The following CNTNAP2 variants were observed in gnomAD, a reference collection of about 807,000 sequenced individuals.
CNTNAP2 encodes contactin-associated protein-like 2.
In CNTNAP2, 98 loss-of-function variants were observed where a neutral mutation model predicts 155.2. The ratio of observed to expected loss-of-function variants is 0.63; its 90% CI spans 0.54 to 0.75. The LOEUF is 0.75. Ranked by LOEUF, CNTNAP2 falls within the 30% of genes least tolerant of loss-of-function variation. The pLI, the probability that CNTNAP2 is intolerant of heterozygous loss-of-function variation, is 0.00. For synonymous variants in CNTNAP2, 651 were observed against 631.2 expected (o/e 1.03, Z -0.47); for missense variants, 1,727 against 1,688.1 (o/e 1.02, Z -0.40).
At chr7:148,414,113 CT>C (rs1287853404) in intron 23 of CNTNAP2, among the ~76,000 whole-genome samples, 4 of 76,234 alleles carry the variant, frequency 5.2e-5, no homozygotes, top group Admixed American at 3.3e-4. Flanking sequence ...CCCCCCCCCC[CT>C]CACACAAGCT....
intron 12 of CNTNAP2, among the ~76,000 whole-genome samples, chr7:147,634,384 T>G (rs1402929690): frequency 1.3e-5 from 2 of 152,170 alleles, no homozygotes; most frequent in Non-Finnish European, 2.9e-5. Flanking sequence ...TTCTCACTTG[T>G]AAGTGGGAGC....
intron 1 of CNTNAP2, among the ~76,000 whole-genome samples, chr7:146,531,630 C>T (rs1297347579): frequency 6.6e-6 from 1 of 152,112 alleles, no homozygotes; most frequent in East Asian, 1.9e-4. Context: ...ACTGCAACCT[C>T]CGCCTCCCAG....
chr7:148,347,324 A>G (rs953176272), intron 21 of CNTNAP2, among the ~76,000 whole-genome samples: 6 of 152,192 alleles, frequency 3.9e-5, no homozygotes, highest in Non-Finnish European at 8.8e-5. Context: ...CTGCCCAGTA[A>G]TGCTTTCAGG....
intron 11 of CNTNAP2, among the ~76,000 whole-genome samples, chr7:147,538,314 G>T (rs1469881375): frequency 6.6e-6 from 1 of 152,110 alleles, no homozygotes; most frequent in Non-Finnish European, 1.5e-5. Flanking sequence ...GTCTCCTAGA[G>T]TGATAGTAGC....
intron 13 of CNTNAP2, among the ~76,000 whole-genome samples, chr7:147,665,358 C>T (rs140351052): frequency 0.017 from 2,616 of 152,162 alleles, 225 homozygotes; most frequent in Admixed American, 0.15. Context: ...CCTATTTTAC[C>T]GTAGATGGAT....
chr7:148,239,574 C>T (rs936201920), intron 20 of CNTNAP2, among the ~76,000 whole-genome samples: 18 of 152,294 alleles, frequency 1.2e-4, no homozygotes, highest in African/African-American at 4.1e-4. Context: ...AATGTCGCCT[C>T]TGGTTTTGGG....
At chr7:148,239,287 C>T (rs1289545812) in intron 20 of CNTNAP2, among the ~76,000 whole-genome samples, 1 of 152,206 alleles carries the variant, frequency 6.6e-6, no homozygotes, top group African/African-American at 2.4e-5. Flanking sequence ...CTTAACTTTC[C>T]ACTTTAATGA....
At chr7:147,529,113 T>C (rs1799384551) in intron 11 of CNTNAP2, among the ~76,000 whole-genome samples, 1 of 152,216 alleles carries the variant, frequency 6.6e-6, no homozygotes, top group Non-Finnish European at 1.5e-5. Flanking sequence ...CTATCTACAT[T>C]ATACCCTTGA....
intron 9 of CNTNAP2, among the ~76,000 whole-genome samples, chr7:147,324,612 T>C (rs897559630): frequency 6.6e-6 from 1 of 152,210 alleles, no homozygotes; most frequent in Non-Finnish European, 1.5e-5. Flanking sequence ...CATAACAATT[T>C]CATCAAATCT....
At chr7:148,227,920 T>TGC (rs1795884211) in intron 19 of CNTNAP2, among the ~76,000 whole-genome samples, 1 of 151,146 alleles carries the variant, frequency 6.6e-6, no homozygotes, top group African/African-American at 2.4e-5. Context: ...TGTGTGTGTG[T>TGC]GTGTGTGTGT....
At chr7:148,004,438 T>C (rs543509229) in intron 15 of CNTNAP2, among the ~76,000 whole-genome samples, 2 of 152,332 alleles carry the variant, frequency 1.3e-5, no homozygotes, top group East Asian at 1.9e-4. Context: ...AGCTCAATTA[T>C]GTGAACACAG....
chr7:146,764,207 T>C (rs1474039670), intron 1 of CNTNAP2, among the ~76,000 whole-genome samples: 3 of 152,168 alleles, frequency 2.0e-5, no homozygotes, highest in African/African-American at 7.2e-5. Flanking sequence ...CATATTGTGA[T>C]TGACCTTGAC....
rs190686967 is a variant in CNTNAP2, at chr7:146,916,598, T to A, written c.402+76694T>A. On this transcript the variant is annotated intron_variant, in intron 3 of 23. Transcript: ENST00000361727. ...CAGGAATTTATCCATCTCCTCTAGGTTTTCTAGTTTATGCATGTAAAGATT... is the reference window on the plus strand; with the variant it reads ...CAGGAATTTATCCATCTCCTCTAGGATTTCTAGTTTATGCATGTAAAGATT... Among the ~76,000 whole-genome samples the A allele has an allele frequency of 1.8e-3, 274 of 152,238 alleles. 2 individuals are homozygous for A. Among genetic ancestry groups the A allele is most frequent in the African/African-American group, 6.2e-3 (258 of 41,552 alleles).
At chr7:146,278,973 G>C (rs1800207245) in intron 1 of CNTNAP2, among the ~76,000 whole-genome samples, 1 of 152,142 alleles carries the variant, frequency 6.6e-6, no homozygotes, top group Non-Finnish European at 1.5e-5. Context: ...AATAAAGATA[G>C]ATCATTATAA....
intron 2 of CNTNAP2, among the ~76,000 whole-genome samples, chr7:146,813,531 C>T (rs1199254373): frequency 6.6e-6 from 1 of 152,166 alleles, no homozygotes; most frequent in African/African-American, 2.4e-5. Flanking sequence ...AATGCCTGTA[C>T]CTCCATTGTA....
At chr7:148,012,584 GT>G (rs911265718) in intron 15 of CNTNAP2, among the ~76,000 whole-genome samples, 2 of 152,074 alleles carry the variant, frequency 1.3e-5, no homozygotes, top group African/African-American at 4.8e-5. Flanking sequence ...TAAAAAAATT[GT>G]TTTTTAAGAG....
At chr7:148,198,842 C>T (rs1199897933) in intron 18 of CNTNAP2, among the ~76,000 whole-genome samples, 1 of 152,254 alleles carries the variant, frequency 6.6e-6, no homozygotes, top group Non-Finnish European at 1.5e-5. Context: ...AAAACTCCTT[C>T]TCACCCTGGT....
intron 4 of CNTNAP2, among the ~76,000 whole-genome samples, chr7:147,048,184 C>T (rs1479143331): frequency 6.6e-6 from 1 of 150,520 alleles, no homozygotes; most frequent in Admixed American, 6.7e-5. Context: ...ACGCCATTCT[C>T]CTGGGGAGAG....
chr7:146,766,995 A>G (rs1017087110), intron 1 of CNTNAP2, among the ~76,000 whole-genome samples: 2 of 152,182 alleles, frequency 1.3e-5, no homozygotes, highest in Non-Finnish European at 2.9e-5. Flanking sequence ...TCACTTAGCA[A>G]TTTTCGCTGT....
Sources: allele counts gnomAD v4.1 joint callset (sites outside exome capture counted in the v4.1 genomes callset), GRCh38; gene constraint gnomAD v4.1.1; transcripts MANE v1.5; gene names NCBI Gene and HGNC (gene_info 2026-07-23, HGNC 2026-07-21).